PPARGC1B: variants seen among roughly 807,000 people sequenced by gnomAD.
The protein encoded by PPARGC1B is PPARG coactivator 1 beta.
A neutral mutation model predicts 101.6 loss-of-function variants in PPARGC1B; 34 were observed. The ratio of observed to expected loss-of-function variants is 0.33; its 90% CI spans 0.25 to 0.45. The LOEUF (loss-of-function observed/expected upper bound fraction) is 0.45. Among genes scored for constraint, PPARGC1B ranks in the 20% least tolerant of loss-of-function variants. PPARGC1B has a pLI of 1.00. For synonymous variants in PPARGC1B, 548 were observed against 539.3 expected, an observed-to-expected ratio of 1.02 and a Z score of -0.22; for missense variants, 1,234 against 1,317.6, an observed-to-expected ratio of 0.94 and a Z score of 0.98.
intron 1 of PPARGC1B, among the ~76,000 whole-genome samples, chr5:149,763,175 G>A (rs894021402): frequency 9.2e-5 from 14 of 152,142 alleles, no homozygotes; most frequent in Non-Finnish European, 1.0e-4. Flanking sequence ...CTGCAGCCTC[G>A]CTTGCTCCCT....
intron 1 of PPARGC1B, among the ~76,000 whole-genome samples, chr5:149,776,599 G>A (rs930991612): frequency 6.6e-6 from 1 of 152,166 alleles, no homozygotes; most frequent in Non-Finnish European, 1.5e-5. Context: ...GTAGGTGGTT[G>A]CTGGTTTGAT....
At chr5:149,826,615 G>T in intron 2 of PPARGC1B, 58 bp from the exon 3 acceptor site, 1 of 1,341,788 alleles carries the variant, frequency 7.5e-7, no homozygotes, top group Non-Finnish European at 1.1e-6. Flanking sequence ...TGAGTCTAAG[G>T]TGGTGACTAA....
At chr5:149,787,727 T>C (rs1057032858) in intron 1 of PPARGC1B, among the ~76,000 whole-genome samples, 2 of 152,320 alleles carry the variant, frequency 1.3e-5, no homozygotes, top group African/African-American at 4.8e-5. Context: ...GCAGGGAGGT[T>C]GACACATGTA....
chr5:149,834,862 G>C, intron 6 of PPARGC1B, 152 bp downstream of exon 6: 1 of 703,346 alleles, frequency 1.4e-6, no homozygotes, highest in Non-Finnish European at 2.4e-6. Context: ...CTCAGGAGCT[G>C]GGCTCCTTTA....
At chr5:149,818,770 TA>T (rs1758155863) in intron 1 of PPARGC1B, 1 of 453,594 alleles carries the variant, frequency 2.2e-6, no homozygotes, top group African/African-American at 2.0e-5. Flanking sequence ...CATTATTTGT[TA>T]TATTACTCTT....
chr5:149,836,687 T>C lies in PPARGC1B; in HGVS notation c.2232T>C (p.Asp744=). The part of the protein sequence containing the change: ...APGREEDRSC[D]AGAPPKDSTL... ...GCAGGGAGGAAGACAGAAGCTGTGA[T>C]GCTGGCGCCCCACCCAAGGACAGCA... Residue 744 remains aspartate, a synonymous_variant, in exon 8 of 12, where the codon GAT becomes GAC. Coordinates refer to ENST00000309241, the MANE Select transcript of PPARGC1B (RefSeq NM_133263.4). The C allele has an allele frequency of 6.2e-7, 1 of 1,613,700 alleles. No individual in the cohort carries two copies. The highest frequency in any genetic ancestry group is 8.5e-7 in the Non-Finnish European group (1 of 1,179,990).
chr5:149,761,525 T>G (rs1447353638), intron 1 of PPARGC1B: 1 of 152,192 alleles, frequency 6.6e-6, no homozygotes, highest in Non-Finnish European at 1.5e-5. Flanking sequence ...ATCTGCACTC[T>G]CACGTTCATT....
At chr5:149,783,381 A>G (rs997530927) in intron 1 of PPARGC1B, among the ~76,000 whole-genome samples, 1 of 152,232 alleles carries the variant, frequency 6.6e-6, no homozygotes, top group Non-Finnish European at 1.5e-5. Context: ...GACTGAAGTC[A>G]TGACCTTGGG....
intron 1 of PPARGC1B, among the ~76,000 whole-genome samples, chr5:149,779,346 C>T (rs1756510747): frequency 6.6e-6 from 1 of 152,194 alleles, no homozygotes; most frequent in Non-Finnish European, 1.5e-5. Context: ...ACAATGGGCA[C>T]TTTGCGTCTG....
At chr5:149,797,794 G>A (rs1188774624) in intron 1 of PPARGC1B, among the ~76,000 whole-genome samples, 3 of 152,030 alleles carry the variant, frequency 2.0e-5, no homozygotes, top group African/African-American at 7.2e-5. Flanking sequence ...GGTGGCGTGT[G>A]CCTGTAATCC....
intron 1 of PPARGC1B, among the ~76,000 whole-genome samples, chr5:149,762,458 T>A (rs997444251): frequency 6.6e-6 from 1 of 152,092 alleles, no homozygotes; most frequent in Non-Finnish European, 1.5e-5. Context: ...CTGCAGATCT[T>A]TTCCTGTCTG....
intron 1 of PPARGC1B, among the ~76,000 whole-genome samples, chr5:149,778,873 C>T (rs970057540): frequency 2.6e-5 from 4 of 151,906 alleles, no homozygotes; most frequent in African/African-American, 2.4e-5. Context: ...CTCTTTTTTC[C>T]AGGATTCCAG....
chr5:149,806,265 T>G (rs1033729015), intron 1 of PPARGC1B, among the ~76,000 whole-genome samples: 6 of 152,308 alleles, frequency 3.9e-5, no homozygotes, highest in South Asian at 2.1e-4. Flanking sequence ...GGCTCTGGCA[T>G]GACAGCAAGG....
chr5:149,779,302 C>T (rs1756508194), intron 1 of PPARGC1B, among the ~76,000 whole-genome samples: 1 of 152,150 alleles, frequency 6.6e-6, no homozygotes, highest in South Asian at 2.1e-4. Flanking sequence ...ATACACCATG[C>T]CTGGCACGAT....
At chr5:149,734,363 A>G (rs1754613658) in intron 1 of PPARGC1B, among the ~76,000 whole-genome samples, 1 of 147,582 alleles carries the variant, frequency 6.8e-6, no homozygotes, top group Non-Finnish European at 1.5e-5. Context: ...TCCTGAATAT[A>G]CTGATTTGTA....
chr5:149,791,616 A>G (rs945916258), intron 1 of PPARGC1B, among the ~76,000 whole-genome samples: 23 of 152,180 alleles, frequency 1.5e-4, no homozygotes, highest in African/African-American at 5.1e-4. Context: ...CTTTCATAGC[A>G]AATGTCAATT....
At chr5:149,799,693 G>GTTTTTTGTTT (rs1757364167) in intron 1 of PPARGC1B, among the ~76,000 whole-genome samples, 2 of 76,480 alleles carry the variant, frequency 2.6e-5, no homozygotes, top group Non-Finnish European at 4.5e-5. Context: ...GCTTGTTGTT[G>GTTTTTTGTTT]TTTTTTTTTT....
intron 1 of PPARGC1B, among the ~76,000 whole-genome samples, chr5:149,741,224 T>A (rs1754892492): frequency 6.6e-6 from 1 of 152,174 alleles, no homozygotes; most frequent in Non-Finnish European, 1.5e-5. Flanking sequence ...CGAGGAGATG[T>A]TAGAAACCAA....
chr5:149,803,295 T>A (rs1370736114), intron 1 of PPARGC1B, among the ~76,000 whole-genome samples: 2 of 152,228 alleles, frequency 1.3e-5, no homozygotes, highest in East Asian at 3.8e-4. Flanking sequence ...CCTGGTCCTG[T>A]CTTTGACTTG....
Sources: allele counts gnomAD v4.1 joint callset (sites outside exome capture counted in the v4.1 genomes callset), GRCh38; gene constraint gnomAD v4.1.1; transcripts MANE v1.5; gene names NCBI Gene and HGNC (gene_info 2026-07-23, HGNC 2026-07-21).